FBXL17: variants seen among roughly 807,000 people sequenced by gnomAD.
FBXL17 encodes the protein F-box/LRR-repeat protein 17.
Under a neutral mutation model 66.2 loss-of-function variants are expected in FBXL17, and 22 were observed. That is an observed-to-expected ratio of 0.33 (90% confidence interval 0.24 to 0.47). The LOEUF (loss-of-function observed/expected upper bound fraction) is 0.47. FBXL17 is among the 20% of genes least tolerant of loss of function. The pLI, the probability that FBXL17 is intolerant of heterozygous loss-of-function variation, is 1.00. For missense variants in FBXL17, 878 were observed against 948.2 expected, an observed-to-expected ratio of 0.93 and a Z score of 0.97; for synonymous variants, 474 against 400.5, an observed-to-expected ratio of 1.18 and a Z score of -2.19.
chr5:107,976,394 T>A (rs1752583436), intron 7 of FBXL17, among the ~76,000 whole-genome samples: 1 of 152,180 alleles, frequency 6.6e-6, no homozygotes, highest in Admixed American at 6.5e-5. Context: ...AACAAAGAGT[T>A]ATTGGGTAGA....
At chr5:108,332,941 C>CCA (rs1554089338) in intron 4 of FBXL17, among the ~76,000 whole-genome samples, 2 of 34,764 alleles carry the variant, frequency 5.8e-5, no homozygotes, top group South Asian at 2.1e-3. Flanking sequence ...AAAGCAAAAG[C>CCA]AAAAAAAAAA....
chr5:108,262,077 TA>T (rs1469558245), intron 4 of FBXL17, among the ~76,000 whole-genome samples: 2,185 of 136,706 alleles, frequency 0.016, 98 homozygotes, highest in African/African-American at 0.058. Context: ...TTTATTTATT[TA>T]TTTATTTATT....
chr5:107,943,561 T>C lies in FBXL17; in HGVS notation c.1823-62382A>G, dbSNP rs1354514190. Among the ~76,000 whole-genome samples, 6 of 149,888 alleles carry C rather than the reference T, an allele frequency of 4.0e-5. No homozygotes were observed. In the East Asian group the frequency reaches 9.7e-4, roughly 24 times the overall value. On this transcript the variant is annotated intron_variant, in intron 7 of 8. Coordinates refer to ENST00000542267, the MANE Select transcript of FBXL17 (RefSeq NM_001163315.3). ...TAGAACCTCATCTTTTTTTTTTTTT[T>C]CACCCAATCTACTGCAATCATTGTA... is the stretch of plus-strand genomic sequence containing the variant.
chr5:108,305,558 G>A (rs1758798813), intron 4 of FBXL17, among the ~76,000 whole-genome samples: 1 of 152,038 alleles, frequency 6.6e-6, no homozygotes, highest in African/African-American at 2.4e-5. Flanking sequence ...ATACTAAAGA[G>A]TGTGGCATCT....
chr5:108,220,348 C>T (rs1338156400), intron 5 of FBXL17, among the ~76,000 whole-genome samples: 1 of 152,126 alleles, frequency 6.6e-6, no homozygotes, highest in African/African-American at 2.4e-5. Context: ...GAGTTACCCC[C>T]CAACCTGTGC....
chr5:108,154,438 A>G (rs1360019549), intron 6 of FBXL17, among the ~76,000 whole-genome samples: 1 of 151,114 alleles, frequency 6.6e-6, no homozygotes, highest in East Asian at 2.0e-4. Context: ...TAAAAACACA[A>G]AATTAGCTGG....
At chr5:107,963,700 C>T (rs1210906633) in intron 7 of FBXL17, among the ~76,000 whole-genome samples, 1 of 152,022 alleles carries the variant, frequency 6.6e-6, no homozygotes, top group Non-Finnish European at 1.5e-5. Context: ...TTATTATTAT[C>T]ATAATACCTC....
chr5:108,279,551 AG>A (rs1226126007), intron 4 of FBXL17, among the ~76,000 whole-genome samples: 1 of 151,696 alleles, frequency 6.6e-6, no homozygotes, highest in Non-Finnish European at 1.5e-5. Flanking sequence ...TCACATCTTC[AG>A]GAAAAAAAAA....
chr5:108,363,471 A>G (rs1402096038), intron 3 of FBXL17, among the ~76,000 whole-genome samples: 1 of 151,994 alleles, frequency 6.6e-6, no homozygotes, highest in African/African-American at 2.4e-5. Context: ...TTTTATCAGA[A>G]TATTACCTCA....
chr5:107,948,862 T>C (rs1751400717), intron 7 of FBXL17, among the ~76,000 whole-genome samples: 1 of 152,210 alleles, frequency 6.6e-6, no homozygotes, highest in South Asian at 2.1e-4. Flanking sequence ...AAGCGCTCAA[T>C]GAGTGTTAAC....
intron 6 of FBXL17, among the ~76,000 whole-genome samples, chr5:108,114,447 T>A (rs1363017212): frequency 1.3e-5 from 2 of 152,200 alleles, no homozygotes; most frequent in Non-Finnish European, 2.9e-5. Flanking sequence ...TCAATAAATG[T>A]CTGATTCAAA....
In FBXL17 at chr5:107,930,016, T is replaced by G. The variant is rs1182968753; in HGVS notation, c.1823-48837A>C. 2.0e-5 allele frequency among the ~76,000 whole-genome samples: 3 copies of G among 152,210 alleles called. No homozygotes were observed. In the East Asian group the frequency reaches 5.8e-4, roughly 29 times the overall value. ...CACTTTTGTCCATCTCCATGGCCAC[T>G]GTCACCCTTCCTCAGGCCATAGCAA... On this transcript the variant is annotated intron_variant, in intron 7 of 8. Transcript: ENST00000542267.
intron 4 of FBXL17, among the ~76,000 whole-genome samples, chr5:108,231,584 TGGCCTAGA>T (rs1487298141): frequency 6.6e-6 from 1 of 152,170 alleles, no homozygotes; most frequent in Non-Finnish European, 1.5e-5. Context: ...TACATTCTGC[TGGCCTAGA>T]GGTCTTAGTT....
At chr5:107,948,516 T>C (rs572266104) in intron 7 of FBXL17, among the ~76,000 whole-genome samples, 30 of 152,206 alleles carry the variant, frequency 2.0e-4, no homozygotes, top group Non-Finnish European at 3.5e-4. Flanking sequence ...TACTTTTTAA[T>C]AGCCTTGTGG....
chr5:108,090,154 A>T (rs1407955972), intron 6 of FBXL17, among the ~76,000 whole-genome samples: 1 of 152,188 alleles, frequency 6.6e-6, no homozygotes, highest in Non-Finnish European at 1.5e-5. Context: ...AATAAGCTTA[A>T]TCATAACATA....
At chr5:108,365,295 A>G (rs1380670241) in intron 2 of FBXL17, among the ~76,000 whole-genome samples, 3 of 152,094 alleles carry the variant, frequency 2.0e-5, no homozygotes, top group Non-Finnish European at 4.4e-5. Flanking sequence ...CTGAGTTCAT[A>G]CTAATGAAGT....
At chr5:107,991,016 CTAGT>C (rs76609881) in intron 7 of FBXL17, among the ~76,000 whole-genome samples, 21,678 of 152,098 alleles carry the variant, frequency 0.14, 1,924 homozygotes, top group East Asian at 0.29. Flanking sequence ...TTGAAAAGGG[CTAGT>C]TACAGACATA....
intron 6 of FBXL17, among the ~76,000 whole-genome samples, chr5:108,111,042 C>A (rs947996060): frequency 1.3e-5 from 2 of 152,108 alleles, no homozygotes; most frequent in Non-Finnish European, 2.9e-5. Flanking sequence ...TGGCCTGACC[C>A]CTTTCCTTTT....
chr5:108,052,297 C>T lies in FBXL17; in HGVS notation c.1746-31296G>A, dbSNP rs145230443. Among the ~76,000 whole-genome samples, 554 of 152,214 alleles carry T rather than the reference C, an allele frequency of 3.6e-3. 5 individuals carry two copies. The highest frequency in any genetic ancestry group is 0.014 in the Middle Eastern group (4 of 294). On this transcript the variant is annotated intron_variant, in intron 6 of 8. Transcript: ENST00000542267. Reference sequence around the variant, plus strand: ...GGTCTGCAGATTACATGACTCTATACTGAGAAAACCCCATCATCTCAGCCC... The same window carrying T: ...GGTCTGCAGATTACATGACTCTATATTGAGAAAACCCCATCATCTCAGCCC...
Sources: gnomAD v4.1 joint callset for allele counts (sites outside exome capture counted in the v4.1 genomes callset) on GRCh38, gnomAD v4.1.1 for gene constraint, MANE v1.5 for transcripts, NCBI Gene and HGNC (gene_info 2026-07-23, HGNC 2026-07-21) for gene names.